Variants in DMAC2 observed in about 807,000 individuals in gnomAD.
The protein encoded by DMAC2 is distal membrane-arm assembly complex protein 2.
A neutral mutation model predicts 29.6 loss-of-function variants in DMAC2; 32 were observed. That is an observed-to-expected ratio of 1.08 (90% confidence interval 0.81 to 1.45). The LOEUF (loss-of-function observed/expected upper bound fraction) is 1.45, where lower values mean the gene tolerates loss of function less well. DMAC2 is among the 40% of genes most tolerant of loss of function. The pLI, the probability that DMAC2 is intolerant of heterozygous loss-of-function variation, is 0.00. For missense variants in DMAC2, 319 were observed against 340.0 expected, an observed-to-expected ratio of 0.94 and a Z score of 0.49; for synonymous variants, 133 against 137.4, an observed-to-expected ratio of 0.97 and a Z score of 0.23.
chr19:41,432,906 G>C (rs1462937024), intron 5 of DMAC2: 1 of 526,138 alleles, frequency 1.9e-6, no homozygotes, highest in Non-Finnish European at 3.3e-6. Flanking sequence ...GTGCATGTGT[G>C]TGTGTATAGG....
intron 3 of DMAC2, among the ~76,000 whole-genome samples, chr19:41,434,600 G>T (rs916911682): frequency 6.6e-6 from 1 of 152,020 alleles, no homozygotes; most frequent in Non-Finnish European, 1.5e-5. Context: ...AGATGGAGGG[G>T]TAGATGAAGT....
At chr19:41,434,245 C>A (rs1167384610) in intron 3 of DMAC2, among the ~76,000 whole-genome samples, 2 of 145,796 alleles carry the variant, frequency 1.4e-5, no homozygotes, top group Non-Finnish European at 3.0e-5. Context: ...AAAAAAAAAA[C>A]AAAAAAACAA....
chr19:41,434,472 GATAAC>G (rs1405634641), intron 3 of DMAC2, among the ~76,000 whole-genome samples: 7 of 150,450 alleles, frequency 4.7e-5, no homozygotes, highest in East Asian at 2.0e-4. Context: ...CGAGATTACA[GATAAC>G]ATAAGAGCAA....
At chr19:41,437,655 C>A (rs765484156) in intron 2 of DMAC2, among the ~76,000 whole-genome samples, 8 of 150,802 alleles carry the variant, frequency 5.3e-5, no homozygotes, top group African/African-American at 2.0e-4. Context: ...GCTTAGATTG[C>A]GCCACTACAC....
At chr19:41,432,612 G>A in intron 5 of DMAC2, 1 of 521,368 alleles carries the variant, frequency 1.9e-6, no homozygotes. Context: ...CCAGTGTAAG[G>A]ACAGCATGTG....
At chr19:41,432,568 C>CGTGTT in intron 5 of DMAC2, 160 bp from the exon 6 acceptor site, 2 of 518,942 alleles carry the variant, frequency 3.9e-6, no homozygotes, top group Non-Finnish European at 6.7e-6. Context: ...ACAGTGTGTG[C>CGTGTT]GTGTGTGTGT....
chr19:41,435,522 G>A lies in DMAC2; in HGVS notation c.296+870C>T, dbSNP rs376760941. ...TGACCTCAGATGATCCACCAGCCTC[G>A]GCCTCCCAAAGTGCTGCGATTACAG... is the stretch of plus-strand genomic sequence containing the variant. On this transcript the variant is annotated intron_variant, in intron 3 of 5. Coordinates refer to ENST00000221943, the MANE Select transcript of DMAC2 (RefSeq NM_018035.3). Among the ~76,000 whole-genome samples, 11 of 152,182 alleles carry A rather than the reference G, an allele frequency of 7.2e-5. No homozygotes were observed. In the South Asian group the frequency reaches 1.7e-3, roughly 23 times the overall value.
chr19:41,432,834 CA>C (rs1334370338), intron 5 of DMAC2: 8 of 433,866 alleles, frequency 1.8e-5, no homozygotes, highest in Non-Finnish European at 3.2e-5. Flanking sequence ...GTACTGGCCC[CA>C]AATTTCAACC....
At position 41,439,505 on chromosome 19, in the gene DMAC2, C is replaced by A. The variant is rs1416962959; in HGVS notation, c.18+377G>T. 4.6e-6 allele frequency: 7 copies of A among 1,537,056 alleles called. No homozygotes were observed. The African/African-American group carries it at 9.6e-5, about 21-fold the overall frequency. ...CCTTCGGTCTTCTAAGACCAAATCC[C>A]ACATCCTCGAACAATCCCTTCCAAG... On this transcript the variant is annotated intron_variant, in intron 1 of 5. Transcript: ENST00000221943.
At chr19:41,436,184 CT>C (rs2039855894) in intron 3 of DMAC2, among the ~76,000 whole-genome samples, 1 of 152,094 alleles carries the variant, frequency 6.6e-6, no homozygotes. Flanking sequence ...CCCCTGTTCA[CT>C]CTTTATAGCA....
Position 41,432,394 on chromosome 19 carries a change from A to G in DMAC2, c.611T>C (p.Leu204Pro). The change falls in exon 6 of 6, where the codon CTG becomes CCG. Residue 204 changes from leucine (L) to proline (P), a missense_variant. Leu to Pro is a moderately conservative substitution (Grantham distance 98, BLOSUM62 -3). Coordinates refer to ENST00000221943, the MANE Select transcript of DMAC2 (RefSeq NM_018035.3). ...CLHHLQNLRR[L>P]DISDLPAVSN... ...CACGGCAGGGAGGTCCGAGATGTCCAGCCTGCGGAGGTTCCTGAAAAGGGG... is the reference window on the plus strand; with the variant it reads ...CACGGCAGGGAGGTCCGAGATGTCCGGCCTGCGGAGGTTCCTGAAAAGGGG... 6.2e-7 allele frequency: 1 copy of G among 1,613,838 alleles called. No individual in the cohort carries two copies. Among genetic ancestry groups the G allele is most frequent in the Non-Finnish European group, 8.5e-7 (1 of 1,180,002 alleles).
chr19:41,438,421 AG>A lies in DMAC2; in HGVS notation c.19-8del. 1 of 1,609,030 alleles carries A rather than the reference AG, an allele frequency of 6.2e-7. No homozygotes were observed. The highest frequency in any genetic ancestry group is 8.5e-7 in the Non-Finnish European group (1 of 1,177,500). ...GGGCGACCAGGCGCAGGGACTGGGG[AG>A]GGGGAGAGGAAAGGAGCTGAGCCTG... On this transcript the variant is annotated splice_region_variant and splice_polypyrimidine_tract_variant and intron_variant, in intron 1 of 5. Transcript: ENST00000221943.
intron 3 of DMAC2, among the ~76,000 whole-genome samples, chr19:41,434,867 G>T (rs1440091073): frequency 1.3e-5 from 2 of 151,864 alleles, no homozygotes; most frequent in African/African-American, 2.4e-5. Flanking sequence ...TTAGCCGGGC[G>T]TGGTAGTGTG....
rs1031076831 is a variant in DMAC2 at position 41,432,793 on chromosome 19, T to C, written c.597-385A>G. On this transcript the variant is annotated intron_variant, in intron 5 of 5. Transcript: ENST00000221943. The stretch of plus-strand genomic sequence containing the variant: ...GTACAGGACAGCGTGCGTGTGTGTG[T>C]GTGTGTGTGTGTGTGTGTGTGTGTA... 2.8e-3 allele frequency: 1,239 copies of C among 442,858 alleles called. 10 individuals are homozygous for C. The highest frequency in any genetic ancestry group is 0.01 in the African/African-American group (420 of 41,922). 27.4% of individuals were successfully genotyped at this position (442,858 alleles called of 1,614,324 possible). A position where few individuals can be genotyped will look rare whatever the true frequency, so the allele number is the denominator to read the frequency against.
Position 41,432,551 on chromosome 19 carries a change from G to C in DMAC2, c.597-143C>G. On this transcript the variant is annotated intron_variant, in intron 5 of 5. Coordinates refer to ENST00000221943, the MANE Select transcript of DMAC2 (RefSeq NM_018035.3). The stretch of plus-strand genomic sequence containing the variant: ...GGACAGCGTGTGTGTGTATAGGGAG[G>C]TACAGGACAGTGTGTGCGTGTGTGT... The C allele has an allele frequency of 5.6e-6, 4 of 719,950 alleles. No homozygotes were observed. The East Asian group carries it at 8.5e-5, about 15-fold the overall frequency. The allele number at this position is 719,950 out of a possible 1,614,324, so 44.6% of individuals were successfully genotyped here.
At chr19:41,432,618 A>C in intron 5 of DMAC2, 18 of 318,488 alleles carry the variant, frequency 5.7e-5, no homozygotes, top group Non-Finnish European at 7.8e-5. Flanking sequence ...TAAGGACAGC[A>C]TGTGTGTGTG....
rs146603735 is a variant in DMAC2 at position 41,433,432 on chromosome 19, G to A, written c.436C>T (p.Arg146Cys). 2,840 of 1,613,404 alleles carry A rather than the reference G, an allele frequency of 1.8e-3. 6 individuals are homozygous for A. Among genetic ancestry groups the A allele is most frequent in the Non-Finnish European group, 2.0e-3 (2,405 of 1,179,526 alleles). The change falls in exon 5 of 6, where the codon CGC (arginine) becomes TGC (cysteine). Residue 146 changes from arginine (R) to cysteine (C), a missense_variant and splice_region_variant. Transcript: ENST00000221943. ...INYEGLDNLL[R>C]LKELQSLSLQ... ...GACAAGGACTGGAGCTCCTTCAGGC[G>A]GACTGCGGTGGGGAGAGGGTGGGAT...
intron 1 of DMAC2, 70 bp downstream of exon 1, chr19:41,439,812 C>T (rs2040061542): frequency 6.2e-7 from 1 of 1,608,482 alleles, no homozygotes; most frequent in Admixed American, 1.7e-5. Flanking sequence ...TGGCCGCCAA[C>T]AGAGGCCCTG....
intron 3 of DMAC2, among the ~76,000 whole-genome samples, chr19:41,435,022 A>AG (rs1328096152): frequency 6.6e-6 from 1 of 151,464 alleles, no homozygotes; most frequent in African/African-American, 2.4e-5. Context: ...AAAAAAAAAA[A>AG]TTATTGAGCA....
Sources: gnomAD v4.1 joint callset for allele counts (sites outside exome capture counted in the v4.1 genomes callset) on GRCh38, gnomAD v4.1.1 for gene constraint, MANE v1.5 for transcripts, NCBI Gene and HGNC (gene_info 2026-07-23, HGNC 2026-07-21) for gene names.